Variants in FARS2 observed in about 807,000 individuals in gnomAD.
The protein encoded by FARS2 is phenylalanyl-tRNA synthetase 2, mitochondrial.
A neutral mutation model predicts 46.4 loss-of-function variants in FARS2; 40 were observed. That is an observed-to-expected ratio of 0.86 (90% CI 0.67 to 1.12). The LOEUF (loss-of-function observed/expected upper bound fraction) is 1.12. Ranked by LOEUF, FARS2 falls within the 50% of genes most tolerant of loss-of-function variation. The pLI is 0.00. For synonymous variants in FARS2, 234 were observed against 214.9 expected (o/e 1.09, Z -0.78); for missense variants, 513 against 567.9 (o/e 0.90, Z 0.98).
At chr6:5,392,214 A>G (rs924132689) in intron 2 of FARS2, among the ~76,000 whole-genome samples, 1 of 152,060 alleles carries the variant, frequency 6.6e-6, no homozygotes, top group African/African-American at 2.4e-5. Context: ...CTATCCTTAT[A>G]TGGCATTGGT....
At chr6:5,728,658 C>A (rs1760426341) in intron 6 of FARS2, among the ~76,000 whole-genome samples, 1 of 152,204 alleles carries the variant, frequency 6.6e-6, no homozygotes, top group Non-Finnish European at 1.5e-5. Flanking sequence ...GTATACACAG[C>A]TCCCTCTTCT....
chr6:5,431,726 C>T (rs777930277), intron 4 of FARS2: 2 of 530,886 alleles, frequency 3.8e-6, no homozygotes, highest in Admixed American at 3.9e-5. Flanking sequence ...GAATTCTACG[C>T]ATATCTATAG....
chr6:5,737,510 G>C (rs767732469), intron 6 of FARS2, among the ~76,000 whole-genome samples: 2 of 152,214 alleles, frequency 1.3e-5, no homozygotes, highest in Non-Finnish European at 2.9e-5. Flanking sequence ...CAGCCTGGGC[G>C]ACAGAGCAAG....
At chr6:5,568,509 A>G (rs1460252557) in intron 5 of FARS2, among the ~76,000 whole-genome samples, 1 of 152,190 alleles carries the variant, frequency 6.6e-6, no homozygotes, top group Non-Finnish European at 1.5e-5. Context: ...TAGGTGCTTG[A>G]TAAAGGTAGC....
At chr6:5,283,995 G>A (rs1202153014) in intron 1 of FARS2, among the ~76,000 whole-genome samples, 1 of 152,218 alleles carries the variant, frequency 6.6e-6, no homozygotes, top group Admixed American at 6.5e-5. Context: ...GATAGATATT[G>A]TCAAATTATC....
rs1561737951 is a variant in FARS2 at position 5,593,691 on chromosome 6, G to A, written c.1066-19478G>A. On this transcript the variant is annotated intron_variant, in intron 5 of 6. Coordinates refer to ENST00000274680, the MANE Select transcript of FARS2 (RefSeq NM_006567.5). ...CACTTTGAATCCTTGGGTTATTTGGGGAGGAAGTTATTGAAAAAAATAGCC... is the reference window on the plus strand; with the variant it reads ...CACTTTGAATCCTTGGGTTATTTGGAGAGGAAGTTATTGAAAAAAATAGCC... 2.0e-5 allele frequency among the ~76,000 whole-genome samples: 3 copies of A among 152,174 alleles called. No homozygotes were observed. The South Asian group carries it at 6.2e-4, about 32-fold the overall frequency.
At chr6:5,485,939 C>T (rs1561655168) in intron 4 of FARS2, among the ~76,000 whole-genome samples, 1 of 152,212 alleles carries the variant, frequency 6.6e-6, no homozygotes, top group Non-Finnish European at 1.5e-5. Context: ...ATTTCCCGCA[C>T]TCAGGAAGTT....
chr6:5,475,252 A>G (rs433295), intron 4 of FARS2, among the ~76,000 whole-genome samples: 130,880 of 152,212 alleles, frequency 0.86, 56,425 homozygotes, highest in East Asian at 1. Context: ...GACAGTTCTC[A>G]AAAAGAGTTG....
At chr6:5,260,600 C>CCCCGGG, upstream of FARS2, 1 of 1,188,318 alleles carries the variant, frequency 8.4e-7, no homozygotes, top group Non-Finnish European at 1.2e-6. Context: ...ACCCCCGGTC[C>CCCCGGG]CCGGCCCCTG....
At chr6:5,458,744 T>A (rs781014358) in intron 4 of FARS2, among the ~76,000 whole-genome samples, 9 of 152,200 alleles carry the variant, frequency 5.9e-5, no homozygotes, top group Non-Finnish European at 1.0e-4. Context: ...GATTATTTAT[T>A]TCCCTTGATA....
intron 4 of FARS2, among the ~76,000 whole-genome samples, chr6:5,510,474 C>G (rs1768375834): frequency 6.6e-6 from 1 of 152,214 alleles, no homozygotes; most frequent in African/African-American, 2.4e-5. Context: ...CGCAGCCTGG[C>G]CTGTCTTTCG....
At position 5,539,396 on chromosome 6, in the gene FARS2, A is replaced by ATATATATATATATATATATATATATATG. The variant is rs1024662143; in HGVS notation, c.905-5781_905-5780insATATATATATATATATATATATATGTAT. 6.7e-4 allele frequency among the ~76,000 whole-genome samples: 91 copies of ATATATATATATATATATATATATATATG among 136,454 alleles called. 3 individuals are homozygous for ATATATATATATATATATATATATATATG. The highest frequency in any genetic ancestry group is 2.4e-3 in the African/African-American group (80 of 33,764). 89.5% of individuals were successfully genotyped at this position (136,454 alleles called of 152,430 possible). A position where few individuals can be genotyped will look rare whatever the true frequency, so the allele number is the denominator to read the frequency against. ...TAATTTTTTTTGTGTATATATATATATATGTATATATTTTTTTAGTAGAGA... is the reference window on the plus strand; with the variant it reads ...TAATTTTTTTTGTGTATATATATATATATATATATATATATATATATATATATGTATGTATATATTTTTTTAGTAGAGA... On this transcript the variant is annotated intron_variant, in intron 4 of 6. Transcript: ENST00000274680.
At chr6:5,415,240 A>G (rs1335649574) in intron 3 of FARS2, among the ~76,000 whole-genome samples, 2 of 151,344 alleles carry the variant, frequency 1.3e-5, no homozygotes, top group Non-Finnish European at 2.9e-5. Context: ...TAGTCATTGT[A>G]ATTTTAGCCA....
intron 6 of FARS2, among the ~76,000 whole-genome samples, chr6:5,726,126 C>T (rs1372756884): frequency 1.3e-5 from 2 of 152,120 alleles, no homozygotes; most frequent in Non-Finnish European, 1.5e-5. Flanking sequence ...GCACTGTGTT[C>T]ACTCACATAA....
At chr6:5,770,309 C>T (rs775385990) in intron 6 of FARS2, among the ~76,000 whole-genome samples, 3 of 152,172 alleles carry the variant, frequency 2.0e-5, no homozygotes, top group Admixed American at 6.5e-5. Flanking sequence ...GGCTGGTTGA[C>T]GGCATCATAA....
At chr6:5,288,699 A>C (rs892756138) in intron 1 of FARS2, among the ~76,000 whole-genome samples, 2 of 152,192 alleles carry the variant, frequency 1.3e-5, no homozygotes, top group Admixed American at 1.3e-4. Flanking sequence ...CCCTGCTCTC[A>C]TGCAGCTTCC....
chr6:5,376,306 A>G (rs1759375926), intron 2 of FARS2, among the ~76,000 whole-genome samples: 2 of 152,208 alleles, frequency 1.3e-5, no homozygotes, highest in African/African-American at 4.8e-5. Flanking sequence ...AGCTTTATCA[A>G]TAAACAAGAA....
At chr6:5,494,451 G>A (rs545748296) in intron 4 of FARS2, among the ~76,000 whole-genome samples, 20 of 152,250 alleles carry the variant, frequency 1.3e-4, no homozygotes, top group Non-Finnish European at 2.8e-4. Context: ...GAAACTCTGC[G>A]TGTTTAGGTG....
At chr6:5,608,415 T>G (rs756480204) in intron 5 of FARS2, among the ~76,000 whole-genome samples, 17 of 152,216 alleles carry the variant, frequency 1.1e-4, no homozygotes, top group Non-Finnish European at 2.2e-4. Context: ...TTTTCTGTTT[T>G]GAGTGAAATA....
Sources: gnomAD v4.1 joint callset for allele counts (sites outside exome capture counted in the v4.1 genomes callset) on GRCh38, gnomAD v4.1.1 for gene constraint, MANE v1.5 for transcripts, NCBI Gene and HGNC (gene_info 2026-07-23, HGNC 2026-07-21) for gene names.